Variants in DYM observed in about 807,000 individuals in gnomAD.
DYM encodes dymeclin.
Under a neutral mutation model 93.1 loss-of-function variants are expected in DYM, and 78 were observed. The observed-to-expected ratio is 0.84, with a 90% CI of 0.70 to 1.01. The LOEUF (loss-of-function observed/expected upper bound fraction) is 1.01. Among genes scored for constraint, DYM ranks in the 50% least tolerant of loss-of-function variants. The pLI is 0.00. For synonymous variants in DYM, 321 were observed against 319.7 expected (o/e 1.00, Z -0.04); for missense variants, 789 against 845.0 (o/e 0.93, Z 0.82).
Position 49,039,934 on chromosome 18 carries a change from G to T in DYM, c.*4121C>A, listed in dbSNP as rs2070847142. The T allele has an allele frequency of 6.6e-6, 1 of 152,132 alleles. No individual in the cohort carries two copies. The highest frequency in any genetic ancestry group is 1.5e-5 in the Non-Finnish European group (1 of 68,032). 9.4% of individuals were successfully genotyped at this position (152,132 alleles called of 1,614,324 possible). A position where few individuals can be genotyped will look rare whatever the true frequency, so the allele number is the denominator to read the frequency against. On this transcript the variant is annotated 3_prime_UTR_variant, in exon 18 of 18. Coordinates refer to ENST00000675505, the MANE Select transcript of DYM (RefSeq NM_001353214.3). ...GTTGTCTGGTCTTCTCCCATACCTG[G>T]GTATTTCTGATTGCAACACTGCAGA... is the stretch of plus-strand genomic sequence containing the variant.
chr18:49,173,152 T>C (rs1439136086), intron 14 of DYM, among the ~76,000 whole-genome samples: 1 of 152,148 alleles, frequency 6.6e-6, no homozygotes, highest in Non-Finnish European at 1.5e-5. Flanking sequence ...TATTTCTTGA[T>C]TCTATTCAAT....
intron 17 of DYM, among the ~76,000 whole-genome samples, chr18:49,068,994 A>G (rs1211070849): frequency 6.6e-6 from 1 of 152,262 alleles, no homozygotes. Flanking sequence ...AATAGAATGT[A>G]TATTGAGGAG....
At chr18:49,110,944 G>T (rs1443686041) in intron 16 of DYM, among the ~76,000 whole-genome samples, 1 of 152,086 alleles carries the variant, frequency 6.6e-6, no homozygotes, top group African/African-American at 2.4e-5. Context: ...CTATCTTCAA[G>T]ATCACAGATT....
At chr18:49,243,292 G>A (rs1308960344) in intron 13 of DYM, among the ~76,000 whole-genome samples, 1 of 152,102 alleles carries the variant, frequency 6.6e-6, no homozygotes, top group East Asian at 1.9e-4. Flanking sequence ...TCTGACACAT[G>A]GTAGCCACAC....
At chr18:49,202,032 T>C (rs1196631813) in intron 14 of DYM, among the ~76,000 whole-genome samples, 1 of 152,208 alleles carries the variant, frequency 6.6e-6, no homozygotes, top group Non-Finnish European at 1.5e-5. Context: ...GTTGTCCCCA[T>C]AACCATCTTC....
chr18:49,163,863 C>A, intron 14 of DYM, 76 bp from the exon 15 acceptor site: 3 of 896,848 alleles, frequency 3.3e-6, no homozygotes, highest in South Asian at 2.8e-5. Flanking sequence ...ATATATAGTT[C>A]CACAGCATGT....
At chr18:49,318,339 G>A (rs891613183) in intron 8 of DYM, among the ~76,000 whole-genome samples, 14 of 152,228 alleles carry the variant, frequency 9.2e-5, no homozygotes, top group Admixed American at 3.9e-4. Context: ...TTATCTTTAA[G>A]CTGGGCATGG....
rs1479072607 is a variant in DYM at position 49,258,390 on chromosome 18, G to C, written c.1355C>G (p.Thr452Ser). The C allele has an allele frequency of 6.2e-7, 1 of 1,602,746 alleles. No homozygotes were observed. The highest frequency in any genetic ancestry group is 1.7e-5 in the Admixed American group (1 of 60,012). The change falls in exon 12 of 18, where the codon ACT becomes AGT. Residue 452 changes from threonine (T) to serine (S), a missense_variant. By Grantham distance (58) the Thr-to-Ser change is moderately conservative. Around this residue, in one of 3 missense-constraint regions of DYM, gnomAD observed 225 missense variants for 303.0 expected, o/e 0.74. Transcript: ENST00000675505. Reference protein sequence around the residue: ...VVIRTIQYNMTRTRDKYLHTN... With the variant: ...VVIRTIQYNMSRTRDKYLHTN... ...AGCTGGAATACTTACTCGTGTCCTAGTCATGTTGTATTGAATGGTTCTTAT... is the reference window on the plus strand; with the variant it reads ...AGCTGGAATACTTACTCGTGTCCTACTCATGTTGTATTGAATGGTTCTTAT...
At chr18:49,127,888 GA>G in intron 15 of DYM, among the ~76,000 whole-genome samples, 1 of 152,320 alleles carries the variant, frequency 6.6e-6, no homozygotes, top group East Asian at 1.9e-4. Flanking sequence ...AAAGCAGTGG[GA>G]GGGGGAGGCG....
At chr18:49,421,993 T>C (rs965480641) in intron 2 of DYM, among the ~76,000 whole-genome samples, 5 of 152,084 alleles carry the variant, frequency 3.3e-5, no homozygotes, top group Admixed American at 1.3e-4. Context: ...CTCCAAGAAA[T>C]ATGGGGCTAT....
At chr18:49,071,075 G>A (rs1027364840) in intron 17 of DYM, among the ~76,000 whole-genome samples, 6 of 152,194 alleles carry the variant, frequency 3.9e-5, no homozygotes, top group African/African-American at 1.4e-4. Flanking sequence ...GTAGGTTAGG[G>A]CTGGGATACA....
At chr18:49,448,973 A>AT (rs1239377759) in intron 1 of DYM, among the ~76,000 whole-genome samples, 1 of 152,168 alleles carries the variant, frequency 6.6e-6, no homozygotes, top group Non-Finnish European at 1.5e-5. Flanking sequence ...TGAGGCAGCT[A>AT]TTGGGTGTCC....
At chr18:49,291,616 G>GT (rs1480741252) in intron 8 of DYM, among the ~76,000 whole-genome samples, 1 of 152,198 alleles carries the variant, frequency 6.6e-6, no homozygotes, top group East Asian at 1.9e-4. Flanking sequence ...GCAAGAAGAG[G>GT]TTTTTCTGTT....
chr18:49,127,186 C>T (rs2082909868), intron 15 of DYM, among the ~76,000 whole-genome samples: 1 of 152,068 alleles, frequency 6.6e-6, no homozygotes, highest in African/African-American at 2.4e-5. Flanking sequence ...AGGCTTTCTC[C>T]TCCAAAAAAT....
chr18:49,263,188 G>A (rs1235918948), intron 11 of DYM, among the ~76,000 whole-genome samples: 4 of 151,330 alleles, frequency 2.6e-5, no homozygotes, highest in Non-Finnish European at 5.9e-5. Context: ...GCACGATCTC[G>A]GCTCACTGCA....
intron 16 of DYM, among the ~76,000 whole-genome samples, chr18:49,117,080 C>A (rs2081981702): frequency 6.6e-6 from 1 of 152,172 alleles, no homozygotes; most frequent in Non-Finnish European, 1.5e-5. Flanking sequence ...AAGTTTGATT[C>A]TTAAAATAAA....
At chr18:49,080,543 C>T (rs1444685053) in intron 17 of DYM, among the ~76,000 whole-genome samples, 2 of 132,760 alleles carry the variant, frequency 1.5e-5, no homozygotes, top group African/African-American at 2.9e-5. Context: ...GGCGGCCGGG[C>T]AGAGGCGCCC....
intron 15 of DYM, among the ~76,000 whole-genome samples, chr18:49,158,378 C>T (rs1275765901): frequency 6.6e-6 from 1 of 152,182 alleles, no homozygotes; most frequent in Non-Finnish European, 1.5e-5. Flanking sequence ...ATTCTGATTG[C>T]TGTTATCATC....
intron 8 of DYM, among the ~76,000 whole-genome samples, chr18:49,298,450 G>A (rs550310687): frequency 3.3e-5 from 5 of 151,818 alleles, no homozygotes; most frequent in Non-Finnish European, 7.4e-5. Context: ...GCCTGGTGGC[G>A]GGCACCTGTA....
Sources: allele counts gnomAD v4.1 joint callset (sites outside exome capture counted in the v4.1 genomes callset), GRCh38; gene constraint gnomAD v4.1.1; regional missense constraint gnomAD v4.1.1; transcripts MANE v1.5; gene names NCBI Gene and HGNC (gene_info 2026-07-23, HGNC 2026-07-21).